The following NFILZ variants were observed in gnomAD, a reference collection of about 807,000 sequenced individuals.
The protein encoded by NFILZ is NFIL3 like basic leucine zipper, also known as NFIL3 like protein.
intron 3 of NFILZ, among the ~76,000 whole-genome samples, chr19:8,646,263 C>A (rs2042938862): frequency 6.6e-6 from 1 of 152,122 alleles, no homozygotes; most frequent in Non-Finnish European, 1.5e-5. Context: ...TCTCGAACTC[C>A]TGACCTCAAG....
intron 3 of NFILZ, among the ~76,000 whole-genome samples, chr19:8,654,583 C>G (rs2042983942): frequency 6.6e-6 from 1 of 152,008 alleles, no homozygotes. Context: ...CCACTGAACT[C>G]CAGCCTGGGT....
intron 3 of NFILZ, among the ~76,000 whole-genome samples, chr19:8,652,809 T>TTC (rs149429243): frequency 6.6e-5 from 10 of 150,510 alleles, no homozygotes; most frequent in African/African-American, 2.2e-4. Flanking sequence ...CCCTCCCTCC[T>TTC]TCTCTCTCTC....
At chr19:8,665,259 A>G (rs1555749652) in intron 3 of NFILZ, among the ~76,000 whole-genome samples, 1 of 151,982 alleles carries the variant, frequency 6.6e-6, no homozygotes, top group East Asian at 1.9e-4. Context: ...GACAAATATG[A>G]TTTGGCTTAG....
intron 3 of NFILZ, among the ~76,000 whole-genome samples, chr19:8,647,793 G>GCACACACACACA (rs1329041998): frequency 1.7e-4 from 12 of 69,656 alleles, no homozygotes; most frequent in East Asian, 9.0e-4. Flanking sequence ...GCGCGCGCGC[G>GCACACACACACA]CGCACACACA....
intron 3 of NFILZ, among the ~76,000 whole-genome samples, chr19:8,639,177 A>G (rs1349570048): frequency 3.3e-5 from 5 of 152,062 alleles, no homozygotes; most frequent in Non-Finnish European, 5.9e-5. Flanking sequence ...GAGGAGGTCC[A>G]TGTGGTTGGA....
intron 3 of NFILZ, among the ~76,000 whole-genome samples, chr19:8,647,236 A>G (rs2042942673): frequency 6.6e-6 from 1 of 152,074 alleles, no homozygotes; most frequent in South Asian, 2.1e-4. Context: ...GATAAAGAAA[A>G]TGTGGTACAT....
chr19:8,680,608 G>A lies in NFILZ; in HGVS notation c.*2973G>A, dbSNP rs2043142200. ...GCCTCTATGGTACTGATAACCCAGG[G>A]AAGGAGATAGATTAAAAAATAAGAA... On this transcript the variant is annotated 3_prime_UTR_variant, in exon 6 of 6. Coordinates refer to ENST00000691075, the MANE Select transcript of NFILZ (RefSeq NM_001378600.1). Among the ~76,000 whole-genome samples, 3 of 152,258 alleles carry A rather than the reference G, an allele frequency of 2.0e-5. No homozygotes were observed. In the South Asian group the frequency reaches 6.2e-4, roughly 32 times the overall value.
At chr19:8,676,573 C>T (rs1568425903) in intron 5 of NFILZ, among the ~76,000 whole-genome samples, 117 bp downstream of exon 5, 2 of 152,140 alleles carry the variant, frequency 1.3e-5, no homozygotes, top group Non-Finnish European at 2.9e-5. Context: ...TGTTTTGTGG[C>T]CTCACCCAAT....
intron 1 of NFILZ, among the ~76,000 whole-genome samples, chr19:8,631,102 T>C (rs1379180013): frequency 1.3e-5 from 2 of 152,320 alleles, no homozygotes; most frequent in African/African-American, 4.8e-5. Flanking sequence ...TATTTTTTCC[T>C]CTGTAGCATT....
At position 8,653,043 on chromosome 19, in the gene NFILZ, TCTCTCTCTCTC is replaced by T. The variant is rs2042975841; in HGVS notation, c.-164+17298_-164+17308del. ...TTCTTTCTTTCTTTCTTTCTTTCTC[TCTCTCTCTCTC>T]TCTCTCTCTCTCTCTCTCTCTCTCT... On this transcript the variant is annotated intron_variant, in intron 3 of 5. Transcript: ENST00000691075. Among the ~76,000 whole-genome samples the T allele has an allele frequency of 3.8e-3, 264 of 68,970 alleles. 1 individual carries two copies. Among genetic ancestry groups the T allele is most frequent in the Middle Eastern group, 6.8e-3 (1 of 148 alleles). 45.2% of individuals were successfully genotyped at this position (68,970 alleles called of 152,430 possible). A position where few individuals can be genotyped will look rare whatever the true frequency, so the allele number is the denominator to read the frequency against.
At chr19:8,657,486 A>G (rs1467044236) in intron 3 of NFILZ, among the ~76,000 whole-genome samples, 1 of 151,858 alleles carries the variant, frequency 6.6e-6, no homozygotes, top group Non-Finnish European at 1.5e-5. Context: ...GGTTGCGGGG[A>G]CGTGACTGCT....
chr19:8,633,210 C>T (rs111982990), intron 2 of NFILZ, among the ~76,000 whole-genome samples: 9 of 151,970 alleles, frequency 5.9e-5, no homozygotes, highest in South Asian at 2.1e-4. Context: ...TCAGTCGAGA[C>T]GGGGTTTTAC....
intron 3 of NFILZ, among the ~76,000 whole-genome samples, chr19:8,637,270 A>G (rs2042898752): frequency 6.6e-6 from 1 of 151,888 alleles, no homozygotes; most frequent in South Asian, 2.1e-4. Flanking sequence ...ACTTGAATCC[A>G]GGAGGCAGAG....
intron 3 of NFILZ, among the ~76,000 whole-genome samples, chr19:8,663,736 G>GTGTGTGTGTATGTGTGTGTA (rs2043045695): frequency 5.9e-5 from 8 of 136,144 alleles, no homozygotes; most frequent in African/African-American, 1.1e-4. Flanking sequence ...GTGTGTGTGT[G>GTGTGTGTGTATGTGTGTGTA]TGTGTGTGTG....
chr19:8,634,396 C>T (rs986543570), intron 2 of NFILZ, among the ~76,000 whole-genome samples: 16 of 152,132 alleles, frequency 1.1e-4, no homozygotes, highest in African/African-American at 3.6e-4. Flanking sequence ...AATGATTCTC[C>T]CACATCAGCC....
intron 1 of NFILZ, among the ~76,000 whole-genome samples, chr19:8,631,830 T>TATG (rs1555745588): frequency 7.5e-5 from 11 of 146,010 alleles, no homozygotes; most frequent in African/African-American, 2.8e-4. Context: ...GTCCTCGCTT[T>TATG]TGTGTGTGTG....
intron 3 of NFILZ, among the ~76,000 whole-genome samples, chr19:8,660,059 G>C (rs2043022600): frequency 6.6e-6 from 1 of 152,176 alleles, no homozygotes; most frequent in Admixed American, 6.5e-5. Flanking sequence ...TCCCAGAGGA[G>C]CTGTGTCTTG....
At chr19:8,636,356 G>A (rs1247209712) in intron 3 of NFILZ, among the ~76,000 whole-genome samples, 1 of 150,438 alleles carries the variant, frequency 6.6e-6, no homozygotes, top group Non-Finnish European at 1.5e-5. Flanking sequence ...GCTGAGGCAG[G>A]AGAAATGCTT....
intron 3 of NFILZ, among the ~76,000 whole-genome samples, chr19:8,640,944 C>G (rs974290112): frequency 7.2e-5 from 11 of 152,174 alleles, no homozygotes; most frequent in African/African-American, 2.7e-4. Flanking sequence ...GGAAGAAGAC[C>G]AGGGTTACAC....
Sources: gnomAD v4.1 joint callset for allele counts (sites outside exome capture counted in the v4.1 genomes callset) on GRCh38, gnomAD v4.1.1 for gene constraint, MANE v1.5 for transcripts, NCBI Gene and HGNC (gene_info 2026-07-23, HGNC 2026-07-21) for gene names.